INSYN2A: variants seen among roughly 807,000 people sequenced by gnomAD.
INSYN2A encodes inhibitory synaptic factor 2A.
In INSYN2A, 17 loss-of-function variants were observed where a neutral mutation model predicts 39.4. The ratio of observed to expected loss-of-function variants is 0.43; its 90% CI spans 0.30 to 0.65. INSYN2A has a LOEUF of 0.65. INSYN2A is among the 30% of genes least tolerant of loss of function. The pLI, the probability that INSYN2A is intolerant of heterozygous loss-of-function variation, is 0.14. For synonymous variants in INSYN2A, 255 were observed against 265.7 expected, an observed-to-expected ratio of 0.96 and a Z score of 0.39; for missense variants, 595 against 631.2, an observed-to-expected ratio of 0.94 and a Z score of 0.61.
In INSYN2A at chr10:127,176,638, C is replaced by T. The variant is rs962227566; in HGVS notation, c.-5-238G>A. 1.2e-4 allele frequency among the ~76,000 whole-genome samples: 18 copies of T among 152,166 alleles called. No homozygotes were observed. Among genetic ancestry groups the T allele is most frequent in the African/African-American group, 4.1e-4 (17 of 41,432 alleles). The stretch of plus-strand genomic sequence containing the variant: ...TTTCCAGGTGGGATACACTCGCTTT[C>T]CTTTTGACAGTAATGCATGTTTCCC... On this transcript the variant is annotated intron_variant, in intron 3 of 5. Coordinates refer to ENST00000522781, the MANE Select transcript of INSYN2A (RefSeq NM_001039762.3). This position sits in a 1 kb window ranked among gnomAD's most constrained non-coding sequence, Gnocchi z 4.4.
intron 2 of INSYN2A, among the ~76,000 whole-genome samples, chr10:127,177,585 G>A (rs1056958216): frequency 5.3e-5 from 8 of 152,224 alleles, no homozygotes; most frequent in Non-Finnish European, 1.0e-4. Flanking sequence ...TGCCCAGAGA[G>A]GCAAGGTCAT....
Position 127,176,189 on chromosome 10 carries a change from C to A in INSYN2A, c.207G>T (p.Leu69=), listed in dbSNP as rs201807593. 2.4e-5 allele frequency: 39 copies of A among 1,614,008 alleles called. No individual in the cohort carries two copies. The highest frequency in any genetic ancestry group is 1.6e-4 in the Middle Eastern group (1 of 6,084). ...QRDTQLSSGQ[L]GEKREAKPVS... ...CGGGCTTGGCCTCCCGCTTCTCCCC[C>A]AGCTGGCCCGAGGACAGCTGTGTGT... The change falls in exon 4 of 6, where the codon CTG becomes CTT. Residue 69 remains leucine (L), a synonymous_variant. Coordinates refer to ENST00000522781, the MANE Select transcript of INSYN2A (RefSeq NM_001039762.3). This position sits in a 1 kb window ranked among gnomAD's most constrained non-coding sequence, Gnocchi z 4.4.
chr10:127,190,294 C>T (rs897882521), intron 2 of INSYN2A, among the ~76,000 whole-genome samples: 1 of 152,152 alleles, frequency 6.6e-6, no homozygotes, highest in Non-Finnish European at 1.5e-5. Flanking sequence ...CAGTACTGTT[C>T]AGCCCTGGAA....
chr10:127,146,082 C>T, intron 5 of INSYN2A: 1 of 513,388 alleles, frequency 1.9e-6, no homozygotes, highest in Non-Finnish European at 3.9e-6. Context: ...CGTATTTACC[C>T]CCAGAAAAAT....
At chr10:127,183,904 C>T (rs2055972470) in intron 2 of INSYN2A, among the ~76,000 whole-genome samples, 1 of 152,062 alleles carries the variant, frequency 6.6e-6, no homozygotes, top group African/African-American at 2.4e-5. Flanking sequence ...CTGTTGTGAA[C>T]CTCTGTCTTC....
Position 127,176,279 on chromosome 10 carries a change from T to C in INSYN2A, c.117A>G (p.Lys39=). 6.2e-7 allele frequency: 1 copy of C among 1,614,144 alleles called. No homozygotes were observed. Among genetic ancestry groups the C allele is most frequent in the African/African-American group, 1.3e-5 (1 of 75,042 alleles). Residue 39 remains lysine, a synonymous_variant, in exon 4 of 6, where the codon AAA becomes AAG. Coordinates refer to ENST00000522781, the MANE Select transcript of INSYN2A (RefSeq NM_001039762.3). The surrounding 1 kb of genome is among the most constrained non-coding windows in gnomAD (Gnocchi z 4.4). ...KYALDPNRQI[K]KRNKALQVRF... ...GCACCTGCAGGGCTTTGTTCCGTTT[T>C]TTAATCTGCCGGTTGGGGTCCAGGG...
chr10:127,161,962 ACT>A, intron 4 of INSYN2A, among the ~76,000 whole-genome samples: 1 of 152,032 alleles, frequency 6.6e-6, no homozygotes, highest in Non-Finnish European at 1.5e-5. Context: ...GTTAAGTAAA[ACT>A]CTGGAAAACT....
chr10:127,159,896 C>CT (rs1414479087), intron 4 of INSYN2A, among the ~76,000 whole-genome samples: 3 of 152,136 alleles, frequency 2.0e-5, no homozygotes, highest in African/African-American at 7.2e-5. Flanking sequence ...CACGGGAGGG[C>CT]TGGACGGCAT....
chr10:127,162,439 C>G (rs890441275), intron 4 of INSYN2A, among the ~76,000 whole-genome samples: 1 of 152,182 alleles, frequency 6.6e-6, no homozygotes, highest in Non-Finnish European at 1.5e-5. Context: ...GAGGGCTACC[C>G]TGGCAACCTC....
chr10:127,164,799 G>C (rs528819116), intron 4 of INSYN2A, among the ~76,000 whole-genome samples: 1 of 152,204 alleles, frequency 6.6e-6, no homozygotes, highest in East Asian at 1.9e-4. Context: ...ATTATAAACA[G>C]GGCAAAGCTT....
intron 5 of INSYN2A, among the ~76,000 whole-genome samples, chr10:127,142,405 A>C (rs1592194316): frequency 6.6e-6 from 1 of 151,962 alleles, no homozygotes; most frequent in Admixed American, 6.6e-5. Flanking sequence ...TGCTGGAGGG[A>C]TCTGGTGTTT....
intron 2 of INSYN2A, among the ~76,000 whole-genome samples, chr10:127,178,583 C>T (rs1435948390): frequency 1.3e-5 from 2 of 152,146 alleles, no homozygotes; most frequent in South Asian, 2.1e-4. Context: ...GGCTCTTGTT[C>T]GATTATCCTA....
chr10:127,176,063 A>T lies in INSYN2A; in HGVS notation c.333T>A (p.Leu111=). 6.2e-7 allele frequency: 1 copy of T among 1,613,850 alleles called. No individual in the cohort carries two copies. Among genetic ancestry groups the T allele is most frequent in the Non-Finnish European group, 8.5e-7 (1 of 1,179,982 alleles). Residue 111 remains leucine (L), a synonymous_variant, in exon 4 of 6, where the codon CTT becomes CTA. Transcript: ENST00000522781. The surrounding 1 kb of genome is among the most constrained non-coding windows in gnomAD (Gnocchi z 4.4). Reference sequence around the variant, plus strand: ...GAGGGAACGTCTGGTAACACTTCTTAAGGTCGGGCGAGGTCTGCACGCCTG... The same window carrying T: ...GAGGGAACGTCTGGTAACACTTCTTTAGGTCGGGCGAGGTCTGCACGCCTG... ...KSTGVQTSPD[L]KKCYQTFPLD...
intron 5 of INSYN2A, among the ~76,000 whole-genome samples, chr10:127,148,030 CAAAAAAA>C (rs57503481): frequency 1.6e-5 from 1 of 63,276 alleles, no homozygotes; most frequent in Non-Finnish European, 3.3e-5. Context: ...GACTCTGTCT[CAAAAAAA>C]AAAAAAAAAA....
At position 127,193,281 on chromosome 10, in the gene INSYN2A, C is replaced by T. The variant is rs373209869; in HGVS notation, c.-394-551G>A. Among the ~76,000 whole-genome samples the T allele has an allele frequency of 5.9e-5, 9 of 152,182 alleles. No homozygotes were observed. In the South Asian group the frequency reaches 1.0e-3, roughly 18 times the overall value. On this transcript the variant is annotated intron_variant, in intron 1 of 5. Transcript: ENST00000522781. ...GTTTTATCTGGGGAGTTTTTATGAC[C>T]TCACACTCCCAGAATGACGGTGGTT...
rs745344562 is a variant in INSYN2A, at chr10:127,155,392, T to A, written c.1185-1469A>T. Reference sequence around the variant, plus strand: ...GTGACCATATTCTGCTCCAAAGTGTTGCCAGGCACTTTCTGTGATTCATCA... The same window carrying A: ...GTGACCATATTCTGCTCCAAAGTGTAGCCAGGCACTTTCTGTGATTCATCA... On this transcript the variant is annotated intron_variant, in intron 4 of 5. Coordinates refer to ENST00000522781, the MANE Select transcript of INSYN2A (RefSeq NM_001039762.3). Among the ~76,000 whole-genome samples, 129 of 152,176 alleles carry A rather than the reference T, an allele frequency of 8.5e-4. 1 individual carries two copies. The highest frequency in any genetic ancestry group is 3.8e-3 in the Admixed American group (58 of 15,290).
intron 2 of INSYN2A, among the ~76,000 whole-genome samples, chr10:127,180,796 A>C (rs1205472791): frequency 6.6e-6 from 1 of 152,250 alleles, no homozygotes; most frequent in Non-Finnish European, 1.5e-5. Flanking sequence ...ATTATTTAGT[A>C]TCATAGAAAA....
chr10:127,153,865 ATGCACTGTTCC>A lies in INSYN2A; in HGVS notation c.1232_1242del (p.Arg411MetfsTer5). The A allele has an allele frequency of 6.2e-7, 1 of 1,612,720 alleles. No individual in the cohort carries two copies. Among genetic ancestry groups the A allele is most frequent in the African/African-American group, 1.3e-5 (1 of 75,020 alleles). On this transcript the variant is annotated frameshift_variant, in exon 5 of 6. Transcript: ENST00000522781. LOFTEE classifies it high-confidence loss of function. The stretch of plus-strand genomic sequence containing the variant: ...ATGTTAACATACCTATAGATAATAC[ATGCACTGTTCC>A]TGCATGTGTCACAATTAGCTGTGTC...
intron 4 of INSYN2A, among the ~76,000 whole-genome samples, chr10:127,156,847 C>T (rs1427882985): frequency 2.6e-5 from 4 of 152,160 alleles, no homozygotes; most frequent in Admixed American, 6.5e-5. Context: ...GGATTACAGG[C>T]GTGTGCCACC....
Sources: gnomAD v4.1 joint callset for allele counts (sites outside exome capture counted in the v4.1 genomes callset) on GRCh38, gnomAD v4.1.1 for gene constraint, Gnocchi (gnomAD v3.1) non-coding constraint, MANE v1.5 for transcripts, NCBI Gene and HGNC (gene_info 2026-07-23, HGNC 2026-07-21) for gene names.